Variants in FAM171A1 observed in about 807,000 individuals in gnomAD.
FAM171A1 encodes protein FAM171A1.
In FAM171A1, 23 loss-of-function variants were observed where a neutral mutation model predicts 74.9. The ratio of observed to expected loss-of-function variants is 0.31; its 90% CI spans 0.22 to 0.44. The LOEUF (loss-of-function observed/expected upper bound fraction) is 0.44. FAM171A1 is among the 20% of genes least tolerant of loss of function. FAM171A1 has a pLI of 1.00. For missense variants in FAM171A1, 1,162 were observed against 1,159.2 expected, an observed-to-expected ratio of 1.00 and a Z score of -0.03; for synonymous variants, 527 against 505.7, an observed-to-expected ratio of 1.04 and a Z score of -0.57.
Position 15,214,377 on chromosome 10 carries a change from G to A in FAM171A1, c.1211C>T (p.Pro404Leu), listed in dbSNP as rs749494754. The A allele has an allele frequency of 1.5e-5, 24 of 1,613,198 alleles. No homozygotes were observed. The highest frequency in any genetic ancestry group is 9.9e-5 in the South Asian group (9 of 90,976). ...GGTGTGCAGGTCCCCTTCGCCGCCC[G>A]GAGACATCATTTCCAAATGGACTCC... Reference protein sequence around the residue: ...MSGVHLEMMSPGGEGDLHTPM... With the variant: ...MSGVHLEMMSLGGEGDLHTPM... The change falls in exon 8 of 8, where the codon CCG (proline) becomes CTG (leucine). Residue 404 changes from proline (P) to leucine (L), a missense_variant. Coordinates refer to ENST00000378116, the MANE Select transcript of FAM171A1 (RefSeq NM_001010924.2).
intron 5 of FAM171A1, among the ~76,000 whole-genome samples, chr10:15,234,689 G>C (rs973739461): frequency 6.7e-6 from 1 of 150,062 alleles, no homozygotes; most frequent in African/African-American, 2.5e-5. Flanking sequence ...GTCTTGCTCT[G>C]TCGCCCAGGC....
chr10:15,229,840 C>T (rs143104386), intron 5 of FAM171A1, among the ~76,000 whole-genome samples: 18 of 15,772 alleles, frequency 1.1e-3, no homozygotes, highest in African/African-American at 1.7e-3. Context: ...ATCATCACCA[C>T]CATCACCATC....
At chr10:15,300,317 G>A (rs1296454725) in intron 1 of FAM171A1, among the ~76,000 whole-genome samples, 1 of 152,156 alleles carries the variant, frequency 6.6e-6, no homozygotes, top group Non-Finnish European at 1.5e-5. Flanking sequence ...CATGGTCTGG[G>A]GCTGGTTTCT....
chr10:15,354,220 G>A (rs1230141348), intron 1 of FAM171A1, among the ~76,000 whole-genome samples: 1 of 152,092 alleles, frequency 6.6e-6, no homozygotes, highest in African/African-American at 2.4e-5. Context: ...GGCAGGCTGG[G>A]CATGGTGGCT....
At chr10:15,332,218 A>C (rs1039551589) in intron 1 of FAM171A1, among the ~76,000 whole-genome samples, 1 of 152,004 alleles carries the variant, frequency 6.6e-6, no homozygotes, top group African/African-American at 2.4e-5. Flanking sequence ...TGCCTCCCAG[A>C]GTGCTAGGAT....
chr10:15,328,296 C>G (rs780966157), intron 1 of FAM171A1, among the ~76,000 whole-genome samples: 7 of 152,136 alleles, frequency 4.6e-5, no homozygotes, highest in Non-Finnish European at 1.0e-4. Context: ...AGGCGCCCAC[C>G]ACCAAGCCCA....
intron 1 of FAM171A1, among the ~76,000 whole-genome samples, chr10:15,315,624 A>C (rs1173850291): frequency 2.0e-5 from 3 of 152,160 alleles, no homozygotes; most frequent in African/African-American, 7.2e-5. Context: ...GGTCTCAGCA[A>C]ATCTCTTCAA....
chr10:15,235,594 A>C (rs904244587), intron 5 of FAM171A1, among the ~76,000 whole-genome samples: 2 of 151,732 alleles, frequency 1.3e-5, no homozygotes, highest in Admixed American at 6.6e-5. Flanking sequence ...TCATTTGTAT[A>C]TTACATTTAC....
intron 2 of FAM171A1, among the ~76,000 whole-genome samples, chr10:15,277,855 C>T (rs1360237384): frequency 6.6e-6 from 1 of 152,166 alleles, no homozygotes; most frequent in Non-Finnish European, 1.5e-5. Context: ...CTCCCACGTT[C>T]AAGCTATCCT....
At chr10:15,233,871 C>T (rs1834243280) in intron 5 of FAM171A1, among the ~76,000 whole-genome samples, 1 of 146,920 alleles carries the variant, frequency 6.8e-6, no homozygotes, top group South Asian at 2.2e-4. Context: ...CACTGCACTC[C>T]AGCCTGGTGA....
intron 5 of FAM171A1, among the ~76,000 whole-genome samples, chr10:15,239,876 T>C (rs924651088): frequency 2.0e-5 from 3 of 152,240 alleles, no homozygotes; most frequent in Non-Finnish European, 4.4e-5. Context: ...ATATTTGCAT[T>C]ATACTTACCT....
At chr10:15,361,137 A>G (rs1835988757) in intron 1 of FAM171A1, among the ~76,000 whole-genome samples, 1 of 152,256 alleles carries the variant, frequency 6.6e-6, no homozygotes, top group Non-Finnish European at 1.5e-5. Context: ...TAATAATTAA[A>G]CAACTAAGAT....
chr10:15,230,911 T>C (rs1425990855), intron 5 of FAM171A1, among the ~76,000 whole-genome samples: 1 of 152,238 alleles, frequency 6.6e-6, no homozygotes, highest in African/African-American at 2.4e-5. Flanking sequence ...TTTTGTTCAT[T>C]ACCCACTGAG....
chr10:15,364,268 G>C (rs1462580815), intron 1 of FAM171A1, among the ~76,000 whole-genome samples: 1 of 152,094 alleles, frequency 6.6e-6, no homozygotes, highest in Non-Finnish European at 1.5e-5. Flanking sequence ...CCCAGCTCTG[G>C]AAGGAACACA....
upstream of FAM171A1, among the ~76,000 whole-genome samples, chr10:15,373,076 G>A (rs571794516): frequency 6.6e-6 from 1 of 152,292 alleles, no homozygotes; most frequent in East Asian, 1.9e-4. Context: ...AATGAAGGAT[G>A]GCACTTGCCC....
In FAM171A1 at chr10:15,283,937, G is replaced by A. The variant is rs1268297945; in HGVS notation, c.266C>T (p.Thr89Ile). Residue 89 changes from threonine to isoleucine, a missense_variant, in exon 2 of 8, where the codon ACC (threonine) becomes ATC (isoleucine). Thr to Ile is a moderately conservative substitution (Grantham distance 89). Transcript: ENST00000378116. ...QYKLGSQLIV[T>I]ASKHAYVPNS... Reference sequence around the variant, plus strand: ...TGGCACGTAGGCATGCTTCGAGGCGGTGACAATCAACTGACTGCCCAGCTT... The same window carrying A: ...TGGCACGTAGGCATGCTTCGAGGCGATGACAATCAACTGACTGCCCAGCTT... 1 of 1,614,088 alleles carries A rather than the reference G, an allele frequency of 6.2e-7. No homozygotes were observed. The highest frequency in any genetic ancestry group is 1.3e-5 in the African/African-American group (1 of 74,924).
rs140723339 is a variant in FAM171A1, at chr10:15,351,494, T to C, written c.97+19462A>G. On this transcript the variant is annotated intron_variant, in intron 1 of 7. Coordinates refer to ENST00000378116, the MANE Select transcript of FAM171A1 (RefSeq NM_001010924.2). ...AAATAGAGAATGGATCTGAAAGCAC[T>C]TGAAAATCTATAAACGACCATGCAA... Among the ~76,000 whole-genome samples, 386 of 152,240 alleles carry C rather than the reference T, an allele frequency of 2.5e-3. 1 individual carries two copies. Among genetic ancestry groups the C allele is most frequent in the African/African-American group, 8.9e-3 (369 of 41,538 alleles).
At chr10:15,247,330 C>T (rs1283051759) in intron 5 of FAM171A1, among the ~76,000 whole-genome samples, 1 of 152,166 alleles carries the variant, frequency 6.6e-6, no homozygotes, top group African/African-American at 2.4e-5. Flanking sequence ...GTGGCTCGAT[C>T]ATAGCGACAT....
At chr10:15,271,120 G>A (rs1834818915) in intron 3 of FAM171A1, among the ~76,000 whole-genome samples, 1 of 152,166 alleles carries the variant, frequency 6.6e-6, no homozygotes, top group African/African-American at 2.4e-5. Flanking sequence ...CCATTGCAAA[G>A]AAGCTAAAAA....
Sources: gnomAD v4.1 joint callset for allele counts (sites outside exome capture counted in the v4.1 genomes callset) on GRCh38, gnomAD v4.1.1 for gene constraint, MANE v1.5 for transcripts, NCBI Gene and HGNC (gene_info 2026-07-23, HGNC 2026-07-21) for gene names.